GDAP1: variants seen among roughly 807,000 people sequenced by gnomAD.
GDAP1 encodes the protein ganglioside induced differentiation associated protein 1.
A neutral mutation model predicts 40.1 loss-of-function variants in GDAP1; 34 were observed. The observed-to-expected ratio is 0.85, with a 90% CI of 0.64 to 1.13. The LOEUF (loss-of-function observed/expected upper bound fraction) is 1.13. GDAP1 is among the 50% of genes most tolerant of loss of function. GDAP1 has a pLI of 0.00. For missense variants in GDAP1, 374 were observed against 433.7 expected (o/e 0.86, Z 1.22); for synonymous variants, 170 against 157.4 (o/e 1.08, Z -0.60).
At chr8:74,352,474 A>G (rs1293733430) in intron 2 of GDAP1, among the ~76,000 whole-genome samples, 1 of 152,240 alleles carries the variant, frequency 6.6e-6, no homozygotes, top group Non-Finnish European at 1.5e-5. Context: ...GGAAATTACT[A>G]GGACAAAAAA....
intron 2 of GDAP1, among the ~76,000 whole-genome samples, chr8:74,431,481 A>G (rs1806023922): frequency 6.6e-6 from 1 of 151,506 alleles, no homozygotes; most frequent in African/African-American, 2.4e-5. Context: ...TTATTTATTT[A>G]TTTATTTATT....
chr8:74,475,664 T>C (rs920348087), intron 2 of GDAP1, among the ~76,000 whole-genome samples: 14 of 152,252 alleles, frequency 9.2e-5, no homozygotes, highest in African/African-American at 3.4e-4. Context: ...GGTATGATCT[T>C]GCTTCTTTTG....
intron 2 of GDAP1, among the ~76,000 whole-genome samples, chr8:74,461,372 T>A (rs924165720): frequency 6.6e-6 from 1 of 152,202 alleles, no homozygotes; most frequent in African/African-American, 2.4e-5. Context: ...ATTGTAAGTT[T>A]TAACACATAA....
At chr8:74,480,114 G>A (rs1000466630) in intron 2 of GDAP1, among the ~76,000 whole-genome samples, 8 of 150,660 alleles carry the variant, frequency 5.3e-5, no homozygotes, top group African/African-American at 1.5e-4. Flanking sequence ...TTAGCCTCCC[G>A]AGTAGCTGGG....
chr8:74,466,261 C>G (rs1020590636), intron 2 of GDAP1, among the ~76,000 whole-genome samples: 11 of 152,084 alleles, frequency 7.2e-5, no homozygotes, highest in African/African-American at 2.7e-4. Flanking sequence ...CTCAAAGCAC[C>G]CCAGGGAGTT....
rs771656495 is a variant in GDAP1, at chr8:74,350,524, C to A, written c.63C>A (p.Asp21Glu). Reference sequence around the variant, plus strand: ...CCTTGAGGGCGGAAGGCAAGGCCGACGCGGAGGTTAAGCTCATTCTGTACC... The same window carrying A: ...CCTTGAGGGCGGAAGGCAAGGCCGAAGCGGAGGTTAAGCTCATTCTGTACC... The part of the protein sequence containing the change: ...SPPLRAEGKA[D>E]AEVKLILYHW... The change falls in exon 1 of 6, where the codon GAC becomes GAA. Residue 21 changes from aspartate to glutamate, a missense_variant. Coordinates refer to ENST00000220822, the MANE Select transcript of GDAP1 (RefSeq NM_018972.4). The A allele has an allele frequency of 6.2e-7, 1 of 1,613,538 alleles. No homozygotes were observed. Among genetic ancestry groups the A allele is most frequent in the East Asian group, 2.2e-5 (1 of 44,872 alleles).
rs779164733 is a variant in GDAP1, at chr8:74,364,972, A to G, written c.*605A>G. ...AGTGATATTAAGATGATTCCTTACC[A>G]TTTCAGATGGTCCGCAATTTGAATT... On this transcript the variant is annotated 3_prime_UTR_variant, in exon 6 of 6. Coordinates refer to ENST00000220822, the MANE Select transcript of GDAP1 (RefSeq NM_018972.4). 1 of 454,088 alleles carries G rather than the reference A, an allele frequency of 2.2e-6. No individual in the cohort carries two copies. The highest frequency in any genetic ancestry group is 6.9e-5 in the East Asian group (1 of 14,392). 28.1% of individuals were successfully genotyped at this position (454,088 alleles called of 1,614,324 possible).
chr8:74,404,567 G>A (rs2131550968), intron 2 of GDAP1, among the ~76,000 whole-genome samples: 1 of 149,906 alleles, frequency 6.7e-6, no homozygotes, highest in Admixed American at 6.6e-5. Flanking sequence ...ACTCGGTGTG[G>A]AGTGAAGACT....
At chr8:74,395,233 A>G (rs909105286) in intron 2 of GDAP1, among the ~76,000 whole-genome samples, 7 of 152,192 alleles carry the variant, frequency 4.6e-5, no homozygotes, top group Non-Finnish European at 8.8e-5. Context: ...CACTTCAATA[A>G]CATATTTCAA....
rs1429199789 is a variant in GDAP1 at position 74,453,928 on chromosome 8, T to C, written c.166-34750T>C. On this transcript the variant is annotated intron_variant, in intron 2 of 2. Coordinates refer to the GDAP1 transcript ENST00000523640. ...ATAGTCTCTCTACTTTATTATCTAC[T>C]ATTCTGAAGAAAACACACACACACA... 1.0e-4 allele frequency among the ~76,000 whole-genome samples: 4 copies of C among 40,014 alleles called. 2 individuals carry two copies. The highest frequency in any genetic ancestry group is 4.9e-4 in the African/African-American group (4 of 8,154). 26.3% of individuals were successfully genotyped at this position (40,014 alleles called of 152,430 possible). A position where few individuals can be genotyped will look rare whatever the true frequency, so the allele number is the denominator to read the frequency against.
chr8:74,437,130 C>T (rs1184983277), intron 2 of GDAP1, among the ~76,000 whole-genome samples: 1 of 152,188 alleles, frequency 6.6e-6, no homozygotes, highest in Non-Finnish European at 1.5e-5. Flanking sequence ...ATTATACGTT[C>T]ATGCCTCGAG....
intron 2 of GDAP1, among the ~76,000 whole-genome samples, chr8:74,427,599 A>T (rs1161309236): frequency 6.6e-6 from 1 of 152,208 alleles, no homozygotes; most frequent in Non-Finnish European, 1.5e-5. Flanking sequence ...TTTATCAATG[A>T]TTTATTGTCT....
intron 2 of GDAP1, among the ~76,000 whole-genome samples, chr8:74,398,704 T>C (rs1482105189): frequency 6.6e-6 from 1 of 152,194 alleles, no homozygotes; most frequent in Non-Finnish European, 1.5e-5. Flanking sequence ...ATAGCTCTTG[T>C]TATTTTGAGA....
At chr8:74,449,336 A>C (rs1196278394) in intron 2 of GDAP1, among the ~76,000 whole-genome samples, 1 of 151,928 alleles carries the variant, frequency 6.6e-6, no homozygotes. Context: ...CTGTGTTTAA[A>C]TATAATTCTC....
At chr8:74,477,859 G>A (rs112158563) in intron 2 of GDAP1, among the ~76,000 whole-genome samples, 1 of 152,318 alleles carries the variant, frequency 6.6e-6, no homozygotes, top group Non-Finnish European at 1.5e-5. Flanking sequence ...TGGCTTTCAT[G>A]TGGATGTTCA....
At chr8:74,400,205 C>A (rs1258687264) in intron 2 of GDAP1, among the ~76,000 whole-genome samples, 2 of 149,810 alleles carry the variant, frequency 1.3e-5, no homozygotes, top group South Asian at 2.1e-4. Context: ...GTATGTCACT[C>A]AGGACTTGCT....
At chr8:74,389,196 T>G (rs1810071420) in intron 2 of GDAP1, among the ~76,000 whole-genome samples, 2 of 152,206 alleles carry the variant, frequency 1.3e-5, no homozygotes, top group Non-Finnish European at 2.9e-5. Flanking sequence ...ATAATATTGT[T>G]ATGTGTGAAT....
chr8:74,400,379 CT>C (rs1192091682), intron 2 of GDAP1, among the ~76,000 whole-genome samples: 3 of 148,464 alleles, frequency 2.0e-5, no homozygotes, highest in South Asian at 2.1e-4. Context: ...CAACCCCTGC[CT>C]TTTTTTTTGT....
At chr8:74,371,383 G>A (rs557179132), downstream of GDAP1, among the ~76,000 whole-genome samples, 31 of 152,318 alleles carry the variant, frequency 2.0e-4, no homozygotes, top group East Asian at 3.7e-3. Flanking sequence ...AAATATGGCC[G>A]GGCGCGGTGG....
Sources: gnomAD v4.1 joint callset for allele counts (sites outside exome capture counted in the v4.1 genomes callset) on GRCh38, gnomAD v4.1.1 for gene constraint, MANE v1.5 for transcripts, NCBI Gene and HGNC (gene_info 2026-07-23, HGNC 2026-07-21) for gene names.